OVCH2: variants seen among roughly 807,000 people sequenced by gnomAD.
The protein encoded by OVCH2 is ovochymase 2.
A neutral mutation model predicts 73.7 loss-of-function variants in OVCH2; 88 were observed. The ratio of observed to expected loss-of-function variants is 1.19; its 90% CI spans 1.01 to 1.43. The LOEUF (loss-of-function observed/expected upper bound fraction) is 1.43, where lower values mean the gene tolerates loss of function less well. OVCH2 is among the 40% of genes most tolerant of loss of function. The pLI, the probability that OVCH2 is intolerant of heterozygous loss-of-function variation, is 0.00. For synonymous variants in OVCH2, 265 were observed against 234.5 expected (o/e 1.13, Z -1.19); for missense variants, 706 against 674.5 (o/e 1.05, Z -0.52).
At position 7,706,446 on chromosome 11, in the gene OVCH2, A is replaced by C; in HGVS notation, c.-52T>G. 1 of 1,524,876 alleles carries C rather than the reference A, an allele frequency of 6.6e-7. No homozygotes were observed. Among genetic ancestry groups the C allele is most frequent in the African/African-American group, 1.4e-5 (1 of 71,682 alleles). 94.5% of individuals were successfully genotyped at this position (1,524,876 alleles called of 1,614,324 possible). ...ATTTTAGAGAGACTAAAGCAAACAA[A>C]AATAGGAAGCCTTGAGAGACCAGCA... On this transcript the variant is annotated 5_prime_UTR_variant, in exon 1 of 16. Coordinates refer to ENST00000533663, the MANE Select transcript of OVCH2 (RefSeq NM_198185.7).
chr11:7,696,838 C>T, intron 8 of OVCH2, 39 bp from the exon 9 acceptor site: 1 of 1,554,174 alleles, frequency 6.4e-7, no homozygotes, highest in Non-Finnish European at 8.7e-7. Context: ...TTAGTTATGC[C>T]AGTTAACCAC....
intron 5 of OVCH2, 115 bp from the exon 6 acceptor site, chr11:7,701,590 G>A: frequency 6.8e-7 from 1 of 1,467,784 alleles, no homozygotes. Context: ...AGTACAATGT[G>A]ACATTCCCTA....
rs267603204 is a variant in OVCH2, at chr11:7,700,322, G to A, written c.875C>T (p.Pro292Leu). Residue 292 changes from proline to leucine, a missense_variant, in exon 7 of 16, where the codon CCC becomes CTC. Physicochemically the swap from Pro to Leu is moderately conservative, Grantham distance 98. Coordinates refer to ENST00000533663, the MANE Select transcript of OVCH2 (RefSeq NM_198185.7). ...AGTTTGGATGTGTTCGTGGATCCAG[G>A]GAAGCACTTTACTAATGTCTGTGAA... ...GIFTDISKVL[P>L]WIHEHIQTGN... 1 of 1,613,704 alleles carries A rather than the reference G, an allele frequency of 6.2e-7. No individual in the cohort carries two copies. The highest frequency in any genetic ancestry group is 1.1e-5 in the South Asian group (1 of 91,076).
chr11:7,700,093 T>G (rs1238268319), intron 7 of OVCH2: 2 of 558,080 alleles, frequency 3.6e-6, no homozygotes, highest in East Asian at 5.8e-5. Flanking sequence ...CATTTTTCAT[T>G]GAATATCTGC....
intron 9 of OVCH2, 56 bp downstream of exon 9, chr11:7,696,653 G>A: frequency 6.2e-7 from 1 of 1,613,892 alleles, no homozygotes; most frequent in Non-Finnish European, 8.5e-7. Flanking sequence ...AGTCCAATTG[G>A]TGGGCCCAGA....
chr11:7,679,414 A>C, the OVCH2 span, among the ~76,000 whole-genome samples: 1 of 152,164 alleles, frequency 6.6e-6, no homozygotes, highest in Non-Finnish European at 1.5e-5. Flanking sequence ...TTTCATCTTG[A>C]ATTATAATCC....
chr11:7,687,617 A>G (rs1363607664), downstream of OVCH2, among the ~76,000 whole-genome samples: 2 of 152,124 alleles, frequency 1.3e-5, no homozygotes, highest in African/African-American at 4.8e-5. Flanking sequence ...GGTTACCTAC[A>G]ACATCCCAGT....
chr11:7,693,764 A>G (rs540466933), intron 12 of OVCH2, among the ~76,000 whole-genome samples: 4 of 152,294 alleles, frequency 2.6e-5, no homozygotes, highest in African/African-American at 7.2e-5. Context: ...AACCTGTGTG[A>G]TCTTGTTTCT....
intron 15 of OVCH2, 85 bp downstream of exon 15, chr11:7,689,839 T>C: frequency 1.2e-6 from 1 of 824,760 alleles, no homozygotes. Flanking sequence ...TGGAGGAAGA[T>C]GGAATTAAAT....
chr11:7,704,733 C>A (rs1272796663), intron 1 of OVCH2, 59 bp from the exon 2 acceptor site: 2 of 1,179,754 alleles, frequency 1.7e-6, no homozygotes, highest in Non-Finnish European at 2.5e-6. Context: ...GAGGTAATAT[C>A]TTCTCCATTT....
downstream of OVCH2, among the ~76,000 whole-genome samples, chr11:7,687,308 A>AAATAATAATAAT (rs71059120): frequency 3.0e-5 from 4 of 132,512 alleles, no homozygotes; most frequent in South Asian, 2.4e-4. Context: ...ATGGCTGTGG[A>AAATAATAATAAT]AATAATAATA....
intron 2 of OVCH2, 39 bp downstream of exon 2, chr11:7,704,526 T>A (rs1392849353): frequency 1.5e-6 from 2 of 1,367,758 alleles, no homozygotes; most frequent in South Asian, 2.5e-5. Context: ...CCATAATATC[T>A]AGCACAGTTC....
intron 8 of OVCH2, among the ~76,000 whole-genome samples, chr11:7,697,244 T>A (rs1485462691): frequency 1.3e-5 from 2 of 152,188 alleles, no homozygotes; most frequent in Non-Finnish European, 2.9e-5. Flanking sequence ...TCTCACTTTG[T>A]TGCCTAGGCT....
chr11:7,685,380 G>T (rs1412059177), downstream of OVCH2, among the ~76,000 whole-genome samples: 2 of 152,166 alleles, frequency 1.3e-5, no homozygotes, highest in Non-Finnish European at 2.9e-5. Flanking sequence ...ATGAATAAGT[G>T]GAACTTGGGT....
intron 3 of OVCH2, 92 bp from the exon 4 acceptor site, chr11:7,702,421 G>A: frequency 1.0e-6 from 1 of 968,994 alleles, no homozygotes; most frequent in African/African-American, 1.7e-5. Flanking sequence ...AAAATGATAT[G>A]GATAAATAAT....
rs571362634 is a variant in OVCH2 at position 7,701,228 on chromosome 11, T to C, written c.711+96A>G. The C allele has an allele frequency of 4.9e-6, 7 of 1,415,394 alleles. No homozygotes were observed. The East Asian group carries it at 1.7e-4, about 35-fold the overall frequency. The allele number at this position is 1,415,394 out of a possible 1,614,324, so 87.7% of individuals were successfully genotyped here. On this transcript the variant is annotated intron_variant, in intron 6 of 15. Transcript: ENST00000533663. Reference sequence around the variant, plus strand: ...TCTACCCCTCCAATATGCTTTCTAATTAAATTAAATTTCACTGAAATTTAA... The same window carrying C: ...TCTACCCCTCCAATATGCTTTCTAACTAAATTAAATTTCACTGAAATTTAA...
intron 12 of OVCH2, among the ~76,000 whole-genome samples, chr11:7,692,670 A>T (rs1856244249): frequency 6.6e-6 from 1 of 152,218 alleles, no homozygotes; most frequent in Admixed American, 6.5e-5. Flanking sequence ...TGAAAAAGGA[A>T]ATCCTTGTAT....
At chr11:7,702,456 A>T (rs1856462766) in intron 3 of OVCH2, 127 bp from the exon 4 acceptor site, 2 of 731,128 alleles carry the variant, frequency 2.7e-6, no homozygotes, top group Non-Finnish European at 4.3e-6. Flanking sequence ...TGCTGAGCAG[A>T]GAAAGTGAGA....
chr11:7,693,066 A>C (rs553465133), intron 12 of OVCH2, among the ~76,000 whole-genome samples: 1 of 152,348 alleles, frequency 6.6e-6, no homozygotes, highest in South Asian at 2.1e-4. Flanking sequence ...AGAAACAAAG[A>C]AACAATAAAG....
Sources: gnomAD v4.1 joint callset for allele counts (sites outside exome capture counted in the v4.1 genomes callset) on GRCh38, gnomAD v4.1.1 for gene constraint, MANE v1.5 for transcripts, NCBI Gene and HGNC (gene_info 2026-07-23, HGNC 2026-07-21) for gene names.